Variants in CCDC43 observed in about 807,000 individuals in gnomAD.
The protein encoded by CCDC43 is coiled-coil domain containing 43.
Under a neutral mutation model 33.3 loss-of-function variants are expected in CCDC43, and 20 were observed. That is an observed-to-expected ratio of 0.60 (90% CI 0.42 to 0.87). The LOEUF (loss-of-function observed/expected upper bound fraction) is 0.87. Ranked by LOEUF, CCDC43 falls within the 40% of genes least tolerant of loss-of-function variation. The probability of loss-of-function intolerance (pLI) is 0.00; values close to 1 mark genes in which losing one functional copy is unlikely to be tolerated. For synonymous variants in CCDC43, 104 were observed against 106.5 expected, an observed-to-expected ratio of 0.98 and a Z score of 0.14; for missense variants, 248 against 269.9, an observed-to-expected ratio of 0.92 and a Z score of 0.57.
chr17:44,681,235 G>A (rs568434524), intron 3 of CCDC43, among the ~76,000 whole-genome samples: 3 of 152,210 alleles, frequency 2.0e-5, no homozygotes, highest in Non-Finnish European at 2.9e-5. Context: ...TCAGGAGATC[G>A]AGACCAGCCT....
At chr17:44,687,154 C>T (rs961547368) in intron 1 of CCDC43, among the ~76,000 whole-genome samples, 1 of 151,890 alleles carries the variant, frequency 6.6e-6, no homozygotes, top group African/African-American at 2.4e-5. Flanking sequence ...TTTAATTAGC[C>T]AGGCATGGCT....
chr17:44,682,220 G>A, intron 2 of CCDC43, 82 bp from the exon 3 acceptor site: 1 of 1,539,396 alleles, frequency 6.5e-7, no homozygotes. Flanking sequence ...GGCAGCACTT[G>A]TACTGAAGAC....
At chr17:44,681,906 T>C in intron 3 of CCDC43, 97 bp downstream of exon 3, 1 of 1,459,982 alleles carries the variant, frequency 6.8e-7, no homozygotes, top group African/African-American at 1.4e-5. Flanking sequence ...AATTAAGCTA[T>C]AGAGGGGGAT....
intron 1 of CCDC43, among the ~76,000 whole-genome samples, chr17:44,686,477 A>G (rs565531302): frequency 2.0e-5 from 3 of 152,326 alleles, no homozygotes; most frequent in Non-Finnish European, 1.5e-5. Flanking sequence ...ATCCCCCACC[A>G]AAAGAAAAAG....
intron 2 of CCDC43, among the ~76,000 whole-genome samples, chr17:44,683,136 T>C (rs1972186074): frequency 6.6e-6 from 1 of 152,212 alleles, no homozygotes; most frequent in Non-Finnish European, 1.5e-5. Context: ...TAATTTACCA[T>C]CCTAGTGGTG....
rs768900106 is a variant in CCDC43 at position 44,683,912 on chromosome 17, C to G, written c.252G>C (p.Trp84Cys). 23 of 1,613,414 alleles carry G rather than the reference C, an allele frequency of 1.4e-5. No individual in the cohort carries two copies. The highest frequency in any genetic ancestry group is 2.0e-5 in the Non-Finnish European group (23 of 1,179,478). Residue 84 changes from tryptophan to cysteine, a missense_variant, in exon 2 of 5, where the codon TGG (tryptophan) becomes TGC (cysteine). Coordinates refer to ENST00000315286, the MANE Select transcript of CCDC43 (RefSeq NM_144609.3). ...LNICKEIVER[W>C]SETQNVVTKV... The stretch of plus-strand genomic sequence containing the variant: ...TGGTGACAACATTCTGAGTTTCTGA[C>G]CATCGTTCCACAATCTCCTTGCAGA...
At chr17:44,688,412 C>G (rs922810143) in intron 1 of CCDC43, 1 of 152,264 alleles carries the variant, frequency 6.6e-6, no homozygotes, top group Admixed American at 6.6e-5. Flanking sequence ...CTCAGCCTCC[C>G]AAAGTGGTGA....
chr17:44,684,956 G>A (rs1300495400), intron 1 of CCDC43, among the ~76,000 whole-genome samples: 1 of 151,724 alleles, frequency 6.6e-6, no homozygotes, highest in Non-Finnish European at 1.5e-5. Context: ...AATTGAGTTT[G>A]TTGTTTTTTT....
chr17:44,682,842 G>T (rs1177160053), intron 2 of CCDC43, among the ~76,000 whole-genome samples: 1 of 151,770 alleles, frequency 6.6e-6, no homozygotes, highest in Non-Finnish European at 1.5e-5. Context: ...GGGCGACAGA[G>T]CAAAACTCCG....
At chr17:44,681,876 A>T in intron 3 of CCDC43, 127 bp downstream of exon 3, 1 of 1,084,412 alleles carries the variant, frequency 9.2e-7, no homozygotes, top group Non-Finnish European at 1.4e-6. Flanking sequence ...GCCATAGATT[A>T]CTGCCATTTT....
At chr17:44,679,228 A>G (rs1312013214) in intron 4 of CCDC43, among the ~76,000 whole-genome samples, 185 bp from the exon 5 acceptor site, 6 of 152,184 alleles carry the variant, frequency 3.9e-5, no homozygotes, top group Admixed American at 6.5e-5. Flanking sequence ...GCTATATTAC[A>G]AAAGTTTTAA....
Position 44,678,884 on chromosome 17 carries a change from C to CTT in CCDC43, c.645_646dup (p.Arg216LysfsTer21). ...TCGCTTTCGCTCCCCTCTCTGTGTC[C>CTT]TTTTTTTTTCCTTTTCCTTGCGCTC... On this transcript the variant is annotated frameshift_variant, in exon 5 of 5. Transcript: ENST00000315286. LOFTEE classifies it high-confidence loss of function. 2 of 1,603,006 alleles carry CTT rather than the reference C, an allele frequency of 1.2e-6. No individual in the cohort carries two copies. The highest frequency in any genetic ancestry group is 1.7e-6 in the Non-Finnish European group (2 of 1,172,968).
At chr17:44,684,590 G>A (rs1024117521) in intron 1 of CCDC43, among the ~76,000 whole-genome samples, 94 of 151,704 alleles carry the variant, frequency 6.2e-4, no homozygotes, top group African/African-American at 2.0e-3. Context: ...CACAGTACTC[G>A]GGAGGCTGAG....
Position 44,679,147 on chromosome 17 carries a change from G to A in CCDC43, c.488-104C>T, listed in dbSNP as rs1037065080. On this transcript the variant is annotated intron_variant, in intron 4 of 4. Transcript: ENST00000315286. The stretch of plus-strand genomic sequence containing the variant: ...CTCTCCACCTGCTGAGTCCTGAATC[G>A]TCTTTATCTATTCCTGGTTTTTTAA... 39 of 770,872 alleles carry A rather than the reference G, an allele frequency of 5.1e-5. No homozygotes were observed. The Middle Eastern group carries it at 1.7e-3, about 33-fold the overall frequency. 47.8% of individuals were successfully genotyped at this position (770,872 alleles called of 1,614,324 possible).
At chr17:44,681,768 T>G in intron 3 of CCDC43, 1 of 522,226 alleles carries the variant, frequency 1.9e-6, no homozygotes, top group South Asian at 2.4e-5. Flanking sequence ...AGACATTATT[T>G]GTTTTACACC....
rs1972174023 is a variant in CCDC43 at position 44,682,227 on chromosome 17, A to G, written c.293-89T>C. 3 of 1,497,678 alleles carry G rather than the reference A, an allele frequency of 2.0e-6. No homozygotes were observed. In the South Asian group the frequency reaches 3.5e-5, roughly 17 times the overall value. 92.8% of individuals were successfully genotyped at this position (1,497,678 alleles called of 1,614,324 possible). On this transcript the variant is annotated intron_variant, in intron 2 of 4. Coordinates refer to ENST00000315286, the MANE Select transcript of CCDC43 (RefSeq NM_144609.3). ...TCCACATAGGCAGCACTTGTACTGA[A>G]GACATTGGCATCTGCTGCCTCCTTA... is the stretch of plus-strand genomic sequence containing the variant.
At chr17:44,689,515 G>C in intron 1 of CCDC43, 35 bp downstream of exon 1, 1 of 1,613,354 alleles carries the variant, frequency 6.2e-7, no homozygotes, top group South Asian at 1.1e-5. Context: ...TCAGATGCTG[G>C]CCAGAGGCTG....
At chr17:44,681,135 G>A (rs897263214) in intron 3 of CCDC43, among the ~76,000 whole-genome samples, 2 of 151,750 alleles carry the variant, frequency 1.3e-5, no homozygotes, top group Non-Finnish European at 2.9e-5. Context: ...AAGAAAACTC[G>A]TAAAAAAAAA....
intron 3 of CCDC43, 66 bp from the exon 4 acceptor site, chr17:44,680,709 T>C (rs746454255): frequency 7.4e-6 from 9 of 1,212,290 alleles, no homozygotes; most frequent in Admixed American, 1.7e-5. Context: ...AAACATTCAA[T>C]AGACTGGTAA....
Sources: allele counts gnomAD v4.1 joint callset (sites outside exome capture counted in the v4.1 genomes callset), GRCh38; gene constraint gnomAD v4.1.1; transcripts MANE v1.5; gene names NCBI Gene and HGNC (gene_info 2026-07-23, HGNC 2026-07-21).